The following PHACTR4 variants were observed in gnomAD, a reference collection of about 807,000 sequenced individuals.
PHACTR4 encodes phosphatase and actin regulator 4, also known as protein phosphatase 1, regulatory subunit 124.
A neutral mutation model predicts 72.7 loss-of-function variants in PHACTR4; 51 were observed. The observed-to-expected ratio is 0.70, with a 90% confidence interval of 0.56 to 0.89. The LOEUF (loss-of-function observed/expected upper bound fraction) is 0.89, where lower values mean the gene tolerates loss of function less well. PHACTR4 is among the 40% of genes least tolerant of loss of function. The pLI is 0.00. For synonymous variants in PHACTR4, 255 were observed against 302.5 expected (o/e 0.84, Z 1.63); for missense variants, 731 against 861.8 (o/e 0.85, Z 1.90).
chr1:28,460,320 C>T, intron 4 of PHACTR4, 28 bp downstream of exon 4: 2 of 1,491,126 alleles, frequency 1.3e-6, no homozygotes, highest in Non-Finnish European at 1.9e-6. Context: ...TAGCATATGC[C>T]TGTCTCTGTG....
chr1:28,476,298 A>G lies in PHACTR4; in HGVS notation c.1606+7A>G. 1 of 1,580,256 alleles carries G rather than the reference A, an allele frequency of 6.3e-7. No individual in the cohort carries two copies. The highest frequency in any genetic ancestry group is 8.6e-7 in the Non-Finnish European group (1 of 1,168,362). ...GAAGATGAAAGCTATCAGAGTAAGA[A>G]AGGGAGGGAAAAGCAAAACAGAGAA... On this transcript the variant is annotated splice_region_variant and intron_variant, in intron 8 of 13. Coordinates refer to ENST00000373839, the MANE Select transcript of PHACTR4 (RefSeq NM_001048183.3).
intron 7 of PHACTR4, among the ~76,000 whole-genome samples, chr1:28,474,432 G>A (rs1659785827): frequency 7.4e-6 from 1 of 135,814 alleles, no homozygotes; most frequent in African/African-American, 2.8e-5. Context: ...GCTGAGGCAG[G>A]AGAATCGCTT....
At position 28,498,932 on chromosome 1, in the gene PHACTR4, G is replaced by C. The variant is rs1293617579; in HGVS notation, c.*2383G>C. The C allele has an allele frequency of 6.6e-6, 1 of 151,716 alleles. No homozygotes were observed. The highest frequency in any genetic ancestry group is 2.4e-5 in the African/African-American group (1 of 41,308). The allele number at this position is 151,716 out of a possible 1,614,324, so 9.4% of individuals were successfully genotyped here. A position where few individuals can be genotyped will look rare whatever the true frequency, so the allele number is the denominator to read the frequency against. ...AAAATACAAAAATTAGCCTGGCGTG[G>C]TGGCACGCATCTGTAATCCCAACTA... On this transcript the variant is annotated 3_prime_UTR_variant, in exon 14 of 14. Transcript: ENST00000373839.
rs1229068252 is a variant in PHACTR4, at chr1:28,395,304, GTGT to G, written c.-38-12103_-38-12101del. ...AATATATACGGCTTCATTTTTGTGG[GTGT>G]TGATTTTGTCATGATCAGTGATGAT... On this transcript the variant is annotated intron_variant, in intron 1 of 13. Transcript: ENST00000373839. Among the ~76,000 whole-genome samples the G allele has an allele frequency of 3.9e-5, 6 of 152,204 alleles. 1 individual carries two copies. The South Asian group carries it at 8.3e-4, about 21-fold the overall frequency.
chr1:28,394,965 G>A (rs1653376926), intron 1 of PHACTR4, among the ~76,000 whole-genome samples: 1 of 150,314 alleles, frequency 6.7e-6, no homozygotes, highest in Non-Finnish European at 1.5e-5. Context: ...CCAGGCTGGA[G>A]TACAGTGGCA....
chr1:28,492,911 T>C lies in PHACTR4; in HGVS notation c.2017-104T>C. On this transcript the variant is annotated intron_variant, in intron 12 of 13. Transcript: ENST00000373839. ...TGGTGTCTGGGTTGCCTGTGAGGGGTTGCAGTGACTTACAAAGTTAAACAC... is the reference window on the plus strand; with the variant it reads ...TGGTGTCTGGGTTGCCTGTGAGGGGCTGCAGTGACTTACAAAGTTAAACAC... The C allele has an allele frequency of 3.2e-6, 3 of 943,862 alleles. 1 individual carries two copies. The highest frequency in any genetic ancestry group is 5.0e-6 in the Non-Finnish European group (3 of 602,834). The allele number at this position is 943,862 out of a possible 1,614,324, so 58.5% of individuals were successfully genotyped here. A position where few individuals can be genotyped will look rare whatever the true frequency, so the allele number is the denominator to read the frequency against.
chr1:28,439,444 T>C (rs1420861588), intron 2 of PHACTR4, among the ~76,000 whole-genome samples: 1 of 152,204 alleles, frequency 6.6e-6, no homozygotes, highest in Non-Finnish European at 1.5e-5. Context: ...CTAGATGAAA[T>C]ATCTTCAGTA....
chr1:28,397,845 G>A lies in PHACTR4; in HGVS notation c.-38-9565G>A, dbSNP rs555499414. On this transcript the variant is annotated intron_variant, in intron 1 of 13. Coordinates refer to ENST00000373839, the MANE Select transcript of PHACTR4 (RefSeq NM_001048183.3). ...CGAGTAGCTGGGACTACAGGTGCGT[G>A]CCACCATGCCCTGCTAATTTTTTGT... Among the ~76,000 whole-genome samples the A allele has an allele frequency of 2.5e-3, 386 of 152,056 alleles. 1 individual carries two copies. The highest frequency in any genetic ancestry group is 4.9e-3 in the Non-Finnish European group (335 of 67,976).
chr1:28,448,875 T>TG (rs1657719983), intron 2 of PHACTR4, among the ~76,000 whole-genome samples: 1 of 19,676 alleles, frequency 5.1e-5, no homozygotes, highest in Non-Finnish European at 1.1e-4. Flanking sequence ...GGGGCGGGGG[T>TG]GGGGGGACAA....
chr1:28,470,498 T>C (rs1345439270), intron 6 of PHACTR4, among the ~76,000 whole-genome samples: 1 of 151,212 alleles, frequency 6.6e-6, no homozygotes, highest in African/African-American at 2.4e-5. Context: ...GAGACCAGCC[T>C]AGGCAACATG....
At chr1:28,383,902 T>A (rs2124157749) in intron 1 of PHACTR4, among the ~76,000 whole-genome samples, 1 of 152,280 alleles carries the variant, frequency 6.6e-6, no homozygotes, top group South Asian at 2.1e-4. Flanking sequence ...AAGCCTTTAA[T>A]GCATCTGTTG....
chr1:28,468,626 A>G (rs183793529), intron 6 of PHACTR4, among the ~76,000 whole-genome samples: 57 of 152,316 alleles, frequency 3.7e-4, no homozygotes, highest in African/African-American at 1.3e-3. Flanking sequence ...TTAGTGAAAG[A>G]TAGAAACTGA....
chr1:28,395,070 C>T (rs1471995837), intron 1 of PHACTR4, among the ~76,000 whole-genome samples: 1 of 151,610 alleles, frequency 6.6e-6, no homozygotes, highest in East Asian at 1.9e-4. Flanking sequence ...CCCACCACCA[C>T]CCTGGCTAAT....
chr1:28,448,675 T>C lies in PHACTR4; in HGVS notation c.17-10410T>C, dbSNP rs546750006. Among the ~76,000 whole-genome samples, 20 of 126,030 alleles carry C rather than the reference T, an allele frequency of 1.6e-4. No individual in the cohort carries two copies. In the East Asian group the frequency reaches 4.3e-3, roughly 27 times the overall value. The allele number at this position is 126,030 out of a possible 152,430, so 82.7% of individuals were successfully genotyped here. A position where few individuals can be genotyped will look rare whatever the true frequency, so the allele number is the denominator to read the frequency against. ...TACTTGGGAGGCTGAGGCAGGAGAA[T>C]GGCGTGAACCCGGGAGGTGGAGCTT... On this transcript the variant is annotated intron_variant, in intron 2 of 13. Coordinates refer to ENST00000373839, the MANE Select transcript of PHACTR4 (RefSeq NM_001048183.3).
At chr1:28,495,342 A>G (rs1028214505) in intron 13 of PHACTR4, among the ~76,000 whole-genome samples, 1 of 151,974 alleles carries the variant, frequency 6.6e-6, no homozygotes, top group Non-Finnish European at 1.5e-5. Context: ...TCCTGGCCTC[A>G]AGTGATCCTC....
intron 6 of PHACTR4, among the ~76,000 whole-genome samples, chr1:28,473,137 G>A (rs1395534156): frequency 2.0e-5 from 3 of 151,766 alleles, no homozygotes; most frequent in African/African-American, 4.8e-5. Context: ...TAGCCGGGCC[G>A]TAGTGGCGTG....
intron 2 of PHACTR4, among the ~76,000 whole-genome samples, chr1:28,421,437 C>T (rs775567631): frequency 5.3e-5 from 8 of 150,580 alleles, no homozygotes; most frequent in Admixed American, 1.3e-4. Context: ...TTTTATCTTG[C>T]GGTAGCCAGA....
chr1:28,389,717 C>T (rs1290984571), intron 1 of PHACTR4, among the ~76,000 whole-genome samples: 1 of 152,012 alleles, frequency 6.6e-6, no homozygotes, highest in East Asian at 1.9e-4. Context: ...ACCTCGTGAT[C>T]GCCTGCCTCG....
intron 1 of PHACTR4, among the ~76,000 whole-genome samples, chr1:28,387,106 C>G (rs552641924): frequency 5.3e-5 from 8 of 151,968 alleles, no homozygotes; most frequent in African/African-American, 1.9e-4. Context: ...ACTAAAAATA[C>G]AAAAATTAGC....
Sources: allele counts gnomAD v4.1 joint callset (sites outside exome capture counted in the v4.1 genomes callset), GRCh38; gene constraint gnomAD v4.1.1; transcripts MANE v1.5; gene names NCBI Gene and HGNC (gene_info 2026-07-23, HGNC 2026-07-21).